The following GRIA4 variants were observed in gnomAD, a reference collection of about 807,000 sequenced individuals.
GRIA4 encodes glutamate receptor 4.
In GRIA4, 34 loss-of-function variants were observed where a neutral mutation model predicts 104.0. That is an observed-to-expected ratio of 0.33 (90% CI 0.25 to 0.44). The LOEUF (loss-of-function observed/expected upper bound fraction) is 0.44. Ranked by LOEUF, GRIA4 falls within the 20% of genes least tolerant of loss-of-function variation. GRIA4 has a pLI of 1.00. For missense variants in GRIA4, 750 were observed against 1,096.5 expected, an observed-to-expected ratio of 0.68 and a Z score of 4.46; for synonymous variants, 386 against 381.9, an observed-to-expected ratio of 1.01 and a Z score of -0.13.
At chr11:105,947,559 A>G (rs1161843422) in intron 14 of GRIA4, among the ~76,000 whole-genome samples, 2 of 152,338 alleles carry the variant, frequency 1.3e-5, no homozygotes, top group African/African-American at 2.4e-5. Flanking sequence ...ATAACAGAGC[A>G]TTGAAATGAC....
intron 4 of GRIA4, among the ~76,000 whole-genome samples, chr11:105,767,781 A>G (rs1205236535): frequency 2.0e-5 from 3 of 152,124 alleles, no homozygotes; most frequent in Admixed American, 2.0e-4. Context: ...AACGAGAAAA[A>G]TGCGACCCAT....
intron 6 of GRIA4, among the ~76,000 whole-genome samples, chr11:105,895,526 T>C (rs925343601): frequency 6.6e-6 from 1 of 150,942 alleles, no homozygotes; most frequent in East Asian, 2.0e-4. Context: ...AGATAATAGA[T>C]ACATGATAGA....
At chr11:105,759,894 G>A (rs1940522287) in intron 4 of GRIA4, among the ~76,000 whole-genome samples, 1 of 152,008 alleles carries the variant, frequency 6.6e-6, no homozygotes, top group East Asian at 1.9e-4. Context: ...TCATCATCAG[G>A]CTTTTTAAGA....
chr11:105,740,176 A>G (rs528941479), intron 3 of GRIA4, among the ~76,000 whole-genome samples: 3 of 152,366 alleles, frequency 2.0e-5, no homozygotes, highest in Non-Finnish European at 2.9e-5. Context: ...CAATTAATAT[A>G]TAACTATGAT....
At chr11:105,962,511 G>A (rs1948767606) in intron 14 of GRIA4, among the ~76,000 whole-genome samples, 1 of 152,098 alleles carries the variant, frequency 6.6e-6, no homozygotes, top group Non-Finnish European at 1.5e-5. Context: ...ACTCATTTGA[G>A]GGAAATTCCA....
intron 3 of GRIA4, among the ~76,000 whole-genome samples, chr11:105,614,830 G>A (rs979311531): frequency 2.6e-5 from 4 of 151,878 alleles, no homozygotes; most frequent in Non-Finnish European, 5.9e-5. Flanking sequence ...TGGACTGACC[G>A]AGAGCATACA....
intron 13 of GRIA4, among the ~76,000 whole-genome samples, chr11:105,931,198 A>T (rs1384170768): frequency 2.6e-5 from 4 of 151,884 alleles, no homozygotes; most frequent in Admixed American, 6.6e-5. Flanking sequence ...TCCTGGAAGG[A>T]TATAGAATCA....
At chr11:105,869,581 A>T (rs1038201452) in intron 5 of GRIA4, among the ~76,000 whole-genome samples, 1 of 152,148 alleles carries the variant, frequency 6.6e-6, no homozygotes, top group Non-Finnish European at 1.5e-5. Context: ...TTAAATGTTT[A>T]AAAGGCAGTG....
chr11:105,882,874 A>ATC (rs1423110914), intron 5 of GRIA4, among the ~76,000 whole-genome samples: 1 of 152,202 alleles, frequency 6.6e-6, no homozygotes, highest in Non-Finnish European at 1.5e-5. Context: ...CATTTTCTCC[A>ATC]ACTTCCATCA....
chr11:105,979,477 T>G, intron 16 of GRIA4, 98 bp from the exon 17 acceptor site: 1 of 1,055,272 alleles, frequency 9.5e-7, no homozygotes, highest in Non-Finnish European at 1.4e-6. Flanking sequence ...AGATGTCTAA[T>G]TATTTATATT....
At chr11:105,872,432 TAG>T (rs1387059286) in intron 5 of GRIA4, among the ~76,000 whole-genome samples, 1 of 152,076 alleles carries the variant, frequency 6.6e-6, no homozygotes, top group Non-Finnish European at 1.5e-5. Context: ...CACAGAATCA[TAG>T]ACTCTCAGGT....
At position 105,979,863 on chromosome 11, in the gene GRIA4, G is replaced by A. The variant is rs567936908; in HGVS notation, c.*124G>A. 1.3e-4 allele frequency: 83 copies of A among 649,838 alleles called. 1 individual carries two copies. The Admixed American group carries it at 1.8e-3, about 14-fold the overall frequency. The allele number at this position is 649,838 out of a possible 1,614,324, so 40.3% of individuals were successfully genotyped here. A position where few individuals can be genotyped will look rare whatever the true frequency, so the allele number is the denominator to read the frequency against. ...TCCTTTGGCTGAGAGCGGGAAGTCC[G>A]TCCTAACGCGCTGGCCGGACATCAG... On this transcript the variant is annotated 3_prime_UTR_variant, in exon 17 of 17. Coordinates refer to ENST00000282499, the MANE Select transcript of GRIA4 (RefSeq NM_000829.4).
chr11:105,912,047 A>C, intron 10 of GRIA4: 1 of 1,150,424 alleles, frequency 8.7e-7, no homozygotes, highest in Non-Finnish European at 1.1e-6. Context: ...CAGAAAAAAA[A>C]AATTTTAAGT....
At position 105,756,705 on chromosome 11, in the gene GRIA4, G is replaced by A. The variant is rs548716418; in HGVS notation, c.487+3485G>A. ...AAAACAAAACTTCAAGTCTAAAACC[G>A]TCACTGGGATGAAGAGGAGTTTCCT... On this transcript the variant is annotated intron_variant, in intron 4 of 16. Transcript: ENST00000282499. 2.2e-4 allele frequency among the ~76,000 whole-genome samples: 33 copies of A among 150,812 alleles called. 1 individual carries two copies. Among genetic ancestry groups the A allele is most frequent in the African/African-American group, 6.3e-4 (26 of 41,096 alleles).
chr11:105,866,386 G>A (rs959583921), intron 5 of GRIA4, among the ~76,000 whole-genome samples: 3 of 151,224 alleles, frequency 2.0e-5, no homozygotes, highest in African/African-American at 4.9e-5. Flanking sequence ...ACCTTTTCTG[G>A]ATATTTATTC....
At chr11:105,890,388 G>T (rs897355833) in intron 6 of GRIA4, among the ~76,000 whole-genome samples, 11 of 152,150 alleles carry the variant, frequency 7.2e-5, no homozygotes, top group Non-Finnish European at 1.5e-4. Context: ...ACAGAAAGCA[G>T]ATTTCATGTA....
intron 4 of GRIA4, among the ~76,000 whole-genome samples, chr11:105,834,295 T>C (rs554216859): frequency 1.3e-5 from 2 of 152,054 alleles, no homozygotes; most frequent in African/African-American, 2.4e-5. Flanking sequence ...AGTATTAATA[T>C]GGTAAATTAA....
chr11:105,941,054 C>G (rs1160962188), intron 14 of GRIA4, among the ~76,000 whole-genome samples: 1 of 152,116 alleles, frequency 6.6e-6, no homozygotes, highest in African/African-American at 2.4e-5. Flanking sequence ...CGTACACCAC[C>G]TGACAACATC....
At chr11:105,935,202 A>C (rs1403486515) in intron 14 of GRIA4, among the ~76,000 whole-genome samples, 1 of 152,196 alleles carries the variant, frequency 6.6e-6, no homozygotes, top group Non-Finnish European at 1.5e-5. Context: ...TGCAAGCAAC[A>C]GTGTAATAAT....
Sources: gnomAD v4.1 joint callset for allele counts (sites outside exome capture counted in the v4.1 genomes callset) on GRCh38, gnomAD v4.1.1 for gene constraint, MANE v1.5 for transcripts, NCBI Gene and HGNC (gene_info 2026-07-23, HGNC 2026-07-21) for gene names.